Variants in RXFP2 observed in about 807,000 individuals in gnomAD.
The protein encoded by RXFP2 is relaxin family peptide receptor 2.
A neutral mutation model predicts 88.6 loss-of-function variants in RXFP2; 68 were observed. The observed-to-expected ratio is 0.77, with a 90% CI of 0.63 to 0.94. The LOEUF (loss-of-function observed/expected upper bound fraction) is 0.94. Among genes scored for constraint, RXFP2 ranks in the 40% least tolerant of loss-of-function variants. RXFP2 has a pLI of 0.00. For missense variants in RXFP2, 791 were observed against 893.9 expected (o/e 0.88, Z 1.47); for synonymous variants, 329 against 306.8 (o/e 1.07, Z -0.76).
chr13:31,743,877 A>G (rs1871306076), intron 1 of RXFP2, among the ~76,000 whole-genome samples: 1 of 149,298 alleles, frequency 6.7e-6, no homozygotes, highest in South Asian at 2.2e-4. Flanking sequence ...TCCTGGCTAC[A>G]TCCCATTCTC....
chr13:31,762,951 G>A (rs1367222589), intron 3 of RXFP2, among the ~76,000 whole-genome samples: 3 of 152,080 alleles, frequency 2.0e-5, no homozygotes, highest in Non-Finnish European at 4.4e-5. Context: ...TCTTAATGAG[G>A]AGGAAGAGCA....
intron 8 of RXFP2, among the ~76,000 whole-genome samples, chr13:31,778,291 G>T (rs566049074): frequency 6.6e-6 from 1 of 151,980 alleles, no homozygotes; most frequent in South Asian, 2.1e-4. Context: ...TCTATTCCTA[G>T]GATATGTATC....
chr13:31,762,378 G>A (rs961105700), intron 3 of RXFP2, among the ~76,000 whole-genome samples: 1 of 152,182 alleles, frequency 6.6e-6, no homozygotes, highest in Non-Finnish European at 1.5e-5. Flanking sequence ...GAGCAGAGGA[G>A]CAAGATCAAC....
intron 1 of RXFP2, among the ~76,000 whole-genome samples, chr13:31,752,993 T>A (rs1566214881): frequency 6.6e-6 from 1 of 152,196 alleles, no homozygotes; most frequent in African/African-American, 2.4e-5. Context: ...ATAGCCCCTC[T>A]GAGGCACCAT....
At chr13:31,789,295 A>G (rs182585161) in intron 14 of RXFP2, 102 bp downstream of exon 14, 10 of 810,834 alleles carry the variant, frequency 1.2e-5, no homozygotes, top group African/African-American at 5.0e-5. Flanking sequence ...CTATGCAACA[A>G]AAGTCATTTT....
chr13:31,753,248 A>G (rs1566215052), intron 1 of RXFP2, among the ~76,000 whole-genome samples: 2 of 152,182 alleles, frequency 1.3e-5, no homozygotes, highest in African/African-American at 4.8e-5. Flanking sequence ...GATGATTCTC[A>G]CCTGTTGTTT....
chr13:31,781,312 T>G lies in RXFP2; in HGVS notation c.786-359T>G, dbSNP rs140068657. The stretch of plus-strand genomic sequence containing the variant: ...GATTTCTCTTATGTTAAATGGGGGA[T>G]AATAGCAGCAATTTGGCAGGAGTGC... On this transcript the variant is annotated intron_variant, in intron 9 of 17. Transcript: ENST00000298386. 2.3e-3 allele frequency among the ~76,000 whole-genome samples: 350 copies of G among 152,230 alleles called. 3 individuals are homozygous for G. The highest frequency in any genetic ancestry group is 0.014 in the Middle Eastern group (4 of 294).
At chr13:31,766,319 A>C (rs1002509921) in intron 5 of RXFP2, among the ~76,000 whole-genome samples, 4 of 152,188 alleles carry the variant, frequency 2.6e-5, no homozygotes, top group African/African-American at 9.6e-5. Context: ...GATATTGGGA[A>C]AATGACATTG....
intron 1 of RXFP2, among the ~76,000 whole-genome samples, chr13:31,749,589 T>C (rs1352002098): frequency 6.6e-6 from 1 of 152,254 alleles, no homozygotes; most frequent in African/African-American, 2.4e-5. Context: ...CTTTCACTAA[T>C]AGTATATACT....
chr13:31,781,551 G>T, intron 9 of RXFP2, 120 bp from the exon 10 acceptor site: 1 of 643,068 alleles, frequency 1.6e-6, no homozygotes. Context: ...ATAATTAGGA[G>T]GAAAGATAGT....
chr13:31,799,221 A>C (rs1874209830), intron 17 of RXFP2, among the ~76,000 whole-genome samples: 1 of 65,418 alleles, frequency 1.5e-5, no homozygotes, highest in Non-Finnish European at 3.9e-5. Flanking sequence ...ACTTTCTTCA[A>C]AAAAAAAAAA....
intron 16 of RXFP2, 44 bp from the exon 17 acceptor site, chr13:31,797,157 T>A (rs776137377): frequency 8.9e-6 from 12 of 1,349,234 alleles, no homozygotes; most frequent in Admixed American, 1.7e-5. Flanking sequence ...ATTTTACTGT[T>A]GACTTTTACG....
At chr13:31,757,567 T>A (rs1002452465) in intron 1 of RXFP2, among the ~76,000 whole-genome samples, 1 of 152,254 alleles carries the variant, frequency 6.6e-6, no homozygotes, top group Non-Finnish European at 1.5e-5. Flanking sequence ...TTTTATCATG[T>A]CACCTCAAGT....
Position 31,761,725 on chromosome 13 carries a change from T to G in RXFP2, c.243T>G (p.Gly81=), listed in dbSNP as rs1167922948. 3.7e-6 allele frequency: 6 copies of G among 1,605,246 alleles called. No individual in the cohort carries two copies. The South Asian group carries it at 6.6e-5, about 18-fold the overall frequency. Residue 81 remains glycine, a splice_region_variant and synonymous_variant, in exon 3 of 18, where the codon GGT becomes GGG. Coordinates refer to ENST00000298386, the MANE Select transcript of RXFP2 (RefSeq NM_130806.5). ...CACATCTCAATCACTATTTCACAGG[T>G]GACACTAGTGGATGGGCGACCATAT... The part of the protein sequence containing the change: ...CGNGADEENC[G]DTSGWATIFG...
At chr13:31,775,871 T>C (rs1428788992) in intron 7 of RXFP2, among the ~76,000 whole-genome samples, 3 of 151,000 alleles carry the variant, frequency 2.0e-5, no homozygotes, top group African/African-American at 7.5e-5. Flanking sequence ...CAGATGTCTG[T>C]GCTTTCACCA....
chr13:31,758,419 C>T lies in RXFP2; in HGVS notation c.241+15C>T, dbSNP rs61946567. On this transcript the variant is annotated intron_variant, in intron 2 of 17. Transcript: ENST00000298386. Reference sequence around the variant, plus strand: ...AGAGAACTGTGGTGAGTGCTCCCCTCGGCTCCCCATGTGTGCCTCACTTTA... The same window carrying T: ...AGAGAACTGTGGTGAGTGCTCCCCTTGGCTCCCCATGTGTGCCTCACTTTA... The T allele has an allele frequency of 0.18, 283,832 of 1,613,246 alleles. 25,566 individuals carry two copies. The highest frequency in any genetic ancestry group is 0.23 in the East Asian group (10,514 of 44,844).
chr13:31,800,642 C>A (rs1354997042), intron 17 of RXFP2, among the ~76,000 whole-genome samples: 1 of 152,140 alleles, frequency 6.6e-6, no homozygotes. Context: ...GCCATACCAC[C>A]CTGAACATGC....
Position 31,789,149 on chromosome 13 carries a change from T to C in RXFP2, c.1101T>C (p.Asn367=), listed in dbSNP as rs1282645864. The part of the protein sequence containing the change: ...SLDLERIEIP[N]INTRMFQPMK... Reference sequence around the variant, plus strand: ...ACCTGGAAAGGATAGAGATTCCAAATATAAACACACGAATGTTTCAACCCA... The same window carrying C: ...ACCTGGAAAGGATAGAGATTCCAAACATAAACACACGAATGTTTCAACCCA... The change falls in exon 14 of 18, where the codon AAT becomes AAC. Residue 367 remains asparagine, a synonymous_variant. Coordinates refer to ENST00000298386, the MANE Select transcript of RXFP2 (RefSeq NM_130806.5). 2 of 1,608,774 alleles carry C rather than the reference T, an allele frequency of 1.2e-6. No individual in the cohort carries two copies. The highest frequency in any genetic ancestry group is 1.7e-6 in the Non-Finnish European group (2 of 1,176,128).
Position 31,802,596 on chromosome 13 carries a change from C to G in RXFP2, c.*191C>G. 1.5e-6 allele frequency: 1 copy of G among 651,844 alleles called. No individual in the cohort carries two copies. Among genetic ancestry groups the G allele is most frequent in the Non-Finnish European group, 2.7e-6 (1 of 370,522 alleles). The allele number at this position is 651,844 out of a possible 1,614,324, so 40.4% of individuals were successfully genotyped here. The stretch of plus-strand genomic sequence containing the variant: ...TCTACCAACCATGCTGAGGACAGCA[C>G]CAAAGGTTCCTCTCCTCACCCCACA... On this transcript the variant is annotated 3_prime_UTR_variant, in exon 18 of 18. Transcript: ENST00000298386.
Sources: allele counts gnomAD v4.1 joint callset (sites outside exome capture counted in the v4.1 genomes callset), GRCh38; gene constraint gnomAD v4.1.1; transcripts MANE v1.5; gene names NCBI Gene and HGNC (gene_info 2026-07-23, HGNC 2026-07-21).